The following IGF2BP3 variants were observed in gnomAD, a reference collection of about 807,000 sequenced individuals.
The protein encoded by IGF2BP3 is insulin-like growth factor 2 mRNA-binding protein 3.
IGF2BP3 carries 9 observed loss-of-function variants against 73.8 expected under a neutral mutation model. The ratio of observed to expected loss-of-function variants is 0.12; its 90% confidence interval spans 0.07 to 0.21. The LOEUF (loss-of-function observed/expected upper bound fraction) is 0.21. IGF2BP3 is among the 10% of genes least tolerant of loss of function. The pLI is 1.00. For missense variants in IGF2BP3, 542 were observed against 714.0 expected (o/e 0.76, Z 2.75); for synonymous variants, 258 against 256.7 (o/e 1.01, Z -0.05).
At chr7:23,397,931 G>A (rs1773076287) in intron 3 of IGF2BP3, among the ~76,000 whole-genome samples, 1 of 152,182 alleles carries the variant, frequency 6.6e-6, no homozygotes, top group Admixed American at 6.5e-5. Flanking sequence ...ATGTAATCAT[G>A]GATCCTTACA....
At chr7:23,329,637 C>T (rs185021603) in intron 10 of IGF2BP3, among the ~76,000 whole-genome samples, 44 of 152,252 alleles carry the variant, frequency 2.9e-4, no homozygotes, top group African/African-American at 1.1e-3. Flanking sequence ...TTTGTTTTCA[C>T]ATAAGAGTAG....
rs75256258 is a variant in IGF2BP3 at position 23,370,171 on chromosome 7, G to A, written c.286-8430C>T. Among the ~76,000 whole-genome samples, 1,261 of 152,074 alleles carry A rather than the reference G, an allele frequency of 8.3e-3. 26 individuals are homozygous for A. Among genetic ancestry groups the A allele is most frequent in the African/African-American group, 0.029 (1,187 of 41,438 alleles). On this transcript the variant is annotated intron_variant, in intron 3 of 14. Transcript: ENST00000258729. Reference sequence around the variant, plus strand: ...CAAAACTGGGTAAAGTACCTCTCTCGTCATCTCCCTAATACCCATTCTTGG... The same window carrying A: ...CAAAACTGGGTAAAGTACCTCTCTCATCATCTCCCTAATACCCATTCTTGG...
rs182707439 is a variant in IGF2BP3, at chr7:23,434,896, C to A, written c.237-16072G>T. On this transcript the variant is annotated intron_variant, in intron 2 of 14. Transcript: ENST00000258729. ...ACATCAGTATTTTCCCAAATTTGAACTCAGTCACATTAATCCATCATTTCC... is the reference window on the plus strand; with the variant it reads ...ACATCAGTATTTTCCCAAATTTGAAATCAGTCACATTAATCCATCATTTCC... 3.5e-3 allele frequency among the ~76,000 whole-genome samples: 538 copies of A among 152,212 alleles called. 3 individuals carry two copies. Among genetic ancestry groups the A allele is most frequent in the African/African-American group, 0.013 (521 of 41,538 alleles).
intron 2 of IGF2BP3, among the ~76,000 whole-genome samples, chr7:23,436,863 C>A (rs190117020): frequency 2.0e-4 from 31 of 152,286 alleles, no homozygotes; most frequent in African/African-American, 7.5e-4. Context: ...CACCTGTAAT[C>A]CTAGCACTTT....
At chr7:23,318,407 T>C (rs941093260) in intron 11 of IGF2BP3, among the ~76,000 whole-genome samples, 2 of 152,040 alleles carry the variant, frequency 1.3e-5, no homozygotes, top group Non-Finnish European at 2.9e-5. Context: ...TTTTTTTTTG[T>C]AGAGATGGGG....
At chr7:23,444,028 A>G (rs1341279823) in intron 2 of IGF2BP3, among the ~76,000 whole-genome samples, 1 of 151,956 alleles carries the variant, frequency 6.6e-6, no homozygotes, top group Non-Finnish European at 1.5e-5. Flanking sequence ...AATACAAAAC[A>G]AAAAAAACAC....
chr7:23,412,614 C>T (rs916396960), intron 3 of IGF2BP3, among the ~76,000 whole-genome samples: 1 of 152,092 alleles, frequency 6.6e-6, no homozygotes, highest in Non-Finnish European at 1.5e-5. Context: ...TTTCACCTTC[C>T]TCATCAGCCC....
At chr7:23,406,545 C>T (rs557087345) in intron 3 of IGF2BP3, among the ~76,000 whole-genome samples, 82 of 152,072 alleles carry the variant, frequency 5.4e-4, no homozygotes, top group African/African-American at 1.7e-3. Flanking sequence ...GGAGTGAAGC[C>T]GCAGACCTTT....
intron 11 of IGF2BP3, 26 bp downstream of exon 11, chr7:23,319,112 G>C (rs750917247): frequency 4.8e-5 from 67 of 1,405,536 alleles, no homozygotes; most frequent in Middle Eastern, 1.8e-4. Flanking sequence ...TAAAGAACCA[G>C]AGAACCACAG....
chr7:23,429,731 A>G (rs952787014), intron 2 of IGF2BP3, among the ~76,000 whole-genome samples: 3 of 152,236 alleles, frequency 2.0e-5, no homozygotes, highest in Non-Finnish European at 4.4e-5. Context: ...AAAGGCAACT[A>G]TGAGGAAAAC....
chr7:23,363,572 C>T (rs1173923390), intron 3 of IGF2BP3, among the ~76,000 whole-genome samples: 1 of 152,084 alleles, frequency 6.6e-6, no homozygotes, highest in Non-Finnish European at 1.5e-5. Context: ...AAGGTTAATA[C>T]CTATTTATGA....
At chr7:23,317,806 G>A (rs888634348) in intron 11 of IGF2BP3, 93 bp from the exon 12 acceptor site, 11 of 999,230 alleles carry the variant, frequency 1.1e-5, no homozygotes, top group Middle Eastern at 4.3e-4. Flanking sequence ...GTGACTGGCT[G>A]AAATGCAGAA....
chr7:23,328,282 C>G (rs1322499770), intron 10 of IGF2BP3, among the ~76,000 whole-genome samples: 1 of 152,078 alleles, frequency 6.6e-6, no homozygotes, highest in Non-Finnish European at 1.5e-5. Flanking sequence ...AATCTTGGCT[C>G]ACTGCAACCT....
intron 2 of IGF2BP3, among the ~76,000 whole-genome samples, chr7:23,460,138 C>T (rs956973982): frequency 1.4e-5 from 2 of 142,584 alleles, no homozygotes; most frequent in African/African-American, 5.3e-5. Flanking sequence ...CACCTGTGAT[C>T]ACTGCACTCC....
chr7:23,390,435 T>C (rs1177164553), intron 3 of IGF2BP3, among the ~76,000 whole-genome samples: 1 of 152,040 alleles, frequency 6.6e-6, no homozygotes, highest in African/African-American at 2.4e-5. Context: ...ATCTGTCCCT[T>C]GACTGACCAA....
In IGF2BP3 at chr7:23,310,667, G is replaced by T. The variant is rs1307127992; in HGVS notation, c.*1695C>A. On this transcript the variant is annotated 3_prime_UTR_variant, in exon 15 of 15. Coordinates refer to ENST00000258729, the MANE Select transcript of IGF2BP3 (RefSeq NM_006547.3). ...CACTTTTTTGGTTAAAACTACAAAA[G>T]AAACTTGTTTTCAGAGAACATTAAG... is the stretch of plus-strand genomic sequence containing the variant. The T allele has an allele frequency of 1.3e-5, 2 of 152,104 alleles. No homozygotes were observed. The highest frequency in any genetic ancestry group is 4.8e-5 in the African/African-American group (2 of 41,420). 9.4% of individuals were successfully genotyped at this position (152,104 alleles called of 1,614,324 possible).
At chr7:23,314,123 G>A (rs1330421432) in intron 12 of IGF2BP3, among the ~76,000 whole-genome samples, 1 of 151,804 alleles carries the variant, frequency 6.6e-6, no homozygotes, top group Non-Finnish European at 1.5e-5. Context: ...GGGCTCAAGC[G>A]ATCCTCCTAC....
At position 23,469,797 on chromosome 7, in the gene IGF2BP3, G is replaced by A. The variant is rs111396288; in HGVS notation, c.175+139C>T. On this transcript the variant is annotated intron_variant, in intron 1 of 14. Coordinates refer to ENST00000258729, the MANE Select transcript of IGF2BP3 (RefSeq NM_006547.3). The surrounding 1 kb of genome is among the most constrained non-coding windows in gnomAD (Gnocchi z 6.1). Reference sequence around the variant, plus strand: ...AGCTGAGGAGAGCCCCGGCCCCCACGCGCGTGGGTGTGGGCGCTCAGGCCT... The same window carrying A: ...AGCTGAGGAGAGCCCCGGCCCCCACACGCGTGGGTGTGGGCGCTCAGGCCT... 2.0e-5 allele frequency: 8 copies of A among 390,276 alleles called. No individual in the cohort carries two copies. Among genetic ancestry groups the A allele is most frequent in the Admixed American group, 4.7e-5 (1 of 21,066 alleles). 24.2% of individuals were successfully genotyped at this position (390,276 alleles called of 1,614,324 possible). A position where few individuals can be genotyped will look rare whatever the true frequency, so the allele number is the denominator to read the frequency against.
chr7:23,446,908 A>G (rs1381469068), intron 2 of IGF2BP3, among the ~76,000 whole-genome samples: 3 of 152,122 alleles, frequency 2.0e-5, no homozygotes, highest in African/African-American at 7.2e-5. Flanking sequence ...TCCATCAAAA[A>G]TGCCTCACCT....
Sources: allele counts gnomAD v4.1 joint callset (sites outside exome capture counted in the v4.1 genomes callset), GRCh38; gene constraint gnomAD v4.1.1; non-coding constraint Gnocchi (gnomAD v3.1); transcripts MANE v1.5; gene names NCBI Gene and HGNC (gene_info 2026-07-23, HGNC 2026-07-21).